TTLL5: variants seen among roughly 807,000 people sequenced by gnomAD.
TTLL5 encodes tubulin polyglutamylase TTLL5.
A neutral mutation model predicts 168.4 loss-of-function variants in TTLL5; 132 were observed. That is an observed-to-expected ratio of 0.78 (90% CI 0.68 to 0.91). The LOEUF (loss-of-function observed/expected upper bound fraction) is 0.91, where lower values mean the gene tolerates loss of function less well. Among genes scored for constraint, TTLL5 ranks in the 40% least tolerant of loss-of-function variants. The probability of loss-of-function intolerance (pLI) is 0.00; values close to 1 mark genes in which losing one functional copy is unlikely to be tolerated. For synonymous variants in TTLL5, 546 were observed against 558.6 expected (o/e 0.98, Z 0.32); for missense variants, 1,545 against 1,581.5 (o/e 0.98, Z 0.39).
intron 28 of TTLL5, among the ~76,000 whole-genome samples, chr14:75,842,784 A>C (rs1224967090): frequency 6.6e-6 from 1 of 152,202 alleles, no homozygotes; most frequent in African/African-American, 2.4e-5. Flanking sequence ...GGAAAGCTGC[A>C]GTATTCTCAC....
At chr14:75,908,427 G>A (rs756316694) in intron 31 of TTLL5, among the ~76,000 whole-genome samples, 23 of 152,228 alleles carry the variant, frequency 1.5e-4, no homozygotes, top group Non-Finnish European at 3.1e-4. Flanking sequence ...CAAATGCAGT[G>A]CAGGCAGCAG....
intron 27 of TTLL5, chr14:75,818,527 AC>A: frequency 2.8e-6 from 1 of 363,450 alleles, no homozygotes; most frequent in Non-Finnish European, 5.2e-6. Flanking sequence ...TCACTCTGTC[AC>A]CCAGGCTTGA....
At chr14:75,814,377 G>C (rs1894254163) in intron 27 of TTLL5, 1 of 152,190 alleles carries the variant, frequency 6.6e-6, no homozygotes, top group Admixed American at 6.5e-5. Flanking sequence ...CATTTGATCA[G>C]AGCTGGTTTT....
At chr14:75,713,639 C>T (rs945173862) in intron 9 of TTLL5, among the ~76,000 whole-genome samples, 22 of 152,124 alleles carry the variant, frequency 1.4e-4, no homozygotes, top group Non-Finnish European at 5.9e-5. Context: ...TGGTCTAAAT[C>T]AAAGGTCACT....
At chr14:75,775,216 G>C (rs1863035) in intron 21 of TTLL5, among the ~76,000 whole-genome samples, 1 of 152,064 alleles carries the variant, frequency 6.6e-6, no homozygotes, top group African/African-American at 2.4e-5. Context: ...TTTTACAACT[G>C]CTACTTTATT....
intron 30 of TTLL5, among the ~76,000 whole-genome samples, chr14:75,891,742 C>T (rs900030025): frequency 5.3e-5 from 8 of 152,046 alleles, no homozygotes; most frequent in African/African-American, 1.9e-4. Flanking sequence ...TGTAGAGTAG[C>T]GTATGGGAGA....
At chr14:75,735,151 T>A in intron 14 of TTLL5, 44 bp from the exon 15 acceptor site, 1 of 1,589,808 alleles carries the variant, frequency 6.3e-7, no homozygotes, top group Non-Finnish European at 8.6e-7. Context: ...CCTGCTAATT[T>A]CTTAGAAAAT....
chr14:75,681,740 C>G (rs1344867509), intron 4 of TTLL5, 113 bp downstream of exon 4: 1 of 821,190 alleles, frequency 1.2e-6, no homozygotes, highest in Non-Finnish European at 2.0e-6. Flanking sequence ...GGGACCAATG[C>G]TTAGTGGTGG....
At chr14:75,915,171 C>T (rs987079404) in intron 31 of TTLL5, among the ~76,000 whole-genome samples, 1 of 152,122 alleles carries the variant, frequency 6.6e-6, no homozygotes, top group Non-Finnish European at 1.5e-5. Flanking sequence ...CTCTTTTGAA[C>T]ACTGAACTGT....
chr14:75,745,090 C>T lies in TTLL5; in HGVS notation c.1282-5C>T, dbSNP rs762417596. The T allele has an allele frequency of 1.9e-6, 3 of 1,613,256 alleles. No individual in the cohort carries two copies. The highest frequency in any genetic ancestry group is 1.7e-6 in the Non-Finnish European group (2 of 1,179,600). On this transcript the variant is annotated splice_polypyrimidine_tract_variant and splice_region_variant and intron_variant, in intron 15 of 31. Coordinates refer to ENST00000298832, the MANE Select transcript of TTLL5 (RefSeq NM_015072.5). ...TTTTTACTATTTTCATTTTCTTCTCCTTAGCGTTGCCGTCCACTCTCTGCC... is the reference window on the plus strand; with the variant it reads ...TTTTTACTATTTTCATTTTCTTCTCTTTAGCGTTGCCGTCCACTCTCTGCC...
At chr14:75,918,929 G>A (rs1337933581) in intron 31 of TTLL5, among the ~76,000 whole-genome samples, 8 of 151,988 alleles carry the variant, frequency 5.3e-5, no homozygotes, top group South Asian at 2.1e-4. Flanking sequence ...CTGGCCAGTC[G>A]CAGTGGCTCA....
intron 31 of TTLL5, among the ~76,000 whole-genome samples, chr14:75,922,798 G>A (rs2033874658): frequency 6.6e-6 from 1 of 152,200 alleles, no homozygotes; most frequent in African/African-American, 2.4e-5. Flanking sequence ...AGTTTCAGAA[G>A]GAATGGCACC....
intron 31 of TTLL5, among the ~76,000 whole-genome samples, chr14:75,951,299 T>A (rs1383079401): frequency 6.6e-6 from 1 of 151,646 alleles, no homozygotes; most frequent in Non-Finnish European, 1.5e-5. Flanking sequence ...AAGTAAGCCA[T>A]GATCATGCCA....
chr14:75,845,092 A>T (rs1896471628), intron 28 of TTLL5, among the ~76,000 whole-genome samples: 2 of 152,172 alleles, frequency 1.3e-5, no homozygotes, highest in South Asian at 4.1e-4. Flanking sequence ...TCATTTCTAC[A>T]TGGAAGGCTT....
chr14:75,811,168 T>TGTGTGTGTGTGTGC (rs1893987403), intron 27 of TTLL5, among the ~76,000 whole-genome samples: 1 of 136,848 alleles, frequency 7.3e-6, no homozygotes, highest in African/African-American at 2.6e-5. Flanking sequence ...TGTGTGTGTG[T>TGTGTGTGTGTGTGC]GTGTGTGTGT....
chr14:75,849,695 G>A (rs923228834), intron 28 of TTLL5, among the ~76,000 whole-genome samples: 3 of 152,202 alleles, frequency 2.0e-5, no homozygotes, highest in African/African-American at 7.2e-5. Context: ...ACTTTGGTAA[G>A]AGAAGACCAG....
At chr14:75,701,503 G>A (rs12887886) in intron 7 of TTLL5, among the ~76,000 whole-genome samples, 79,911 of 152,122 alleles carry the variant, frequency 0.53, 23,837 homozygotes, top group Non-Finnish European at 0.66. Context: ...TGACTCTCAG[G>A]CTTTACTTTA....
chr14:75,694,023 T>C (rs550971943), intron 6 of TTLL5, among the ~76,000 whole-genome samples: 1 of 152,352 alleles, frequency 6.6e-6, no homozygotes, highest in Non-Finnish European at 1.5e-5. Flanking sequence ...CAGATCTTTC[T>C]ACTCCAGGTT....
chr14:75,840,589 G>A (rs1256317761), intron 28 of TTLL5, among the ~76,000 whole-genome samples: 6 of 152,132 alleles, frequency 3.9e-5, no homozygotes, highest in African/African-American at 1.4e-4. Flanking sequence ...AAGGATGTTA[G>A]GAATACTAGG....
Sources: gnomAD v4.1 joint callset for allele counts (sites outside exome capture counted in the v4.1 genomes callset) on GRCh38, gnomAD v4.1.1 for gene constraint, MANE v1.5 for transcripts, NCBI Gene and HGNC (gene_info 2026-07-23, HGNC 2026-07-21) for gene names.